Variants in FAM240B observed in about 807,000 individuals in gnomAD.
FAM240B encodes family with sequence similarity 240 member B, also known as protein FAM240B.
rs983359982 is a variant in FAM240B, at chr9:38,713,631, A to T, written c.-4+6391T>A. Among the ~76,000 whole-genome samples the T allele has an allele frequency of 3.3e-5, 5 of 152,176 alleles. No individual in the cohort carries two copies. The East Asian group carries it at 7.7e-4, about 23-fold the overall frequency. ...TGCATCAGTGTTATGGAGTTCCCAAAGTTGATGAGTGTGCTGTAATTATGT... is the reference window on the plus strand; with the variant it reads ...TGCATCAGTGTTATGGAGTTCCCAATGTTGATGAGTGTGCTGTAATTATGT... On this transcript the variant is annotated intron_variant, in intron 1 of 2. Coordinates refer to ENST00000637493, the MANE Select transcript of FAM240B (RefSeq NM_001394922.1).
At chr9:38,703,258 C>A (rs908638953) in intron 2 of FAM240B, among the ~76,000 whole-genome samples, 9 of 152,180 alleles carry the variant, frequency 5.9e-5, no homozygotes, top group Non-Finnish European at 1.0e-4. Flanking sequence ...GGAGAGACTG[C>A]CCCTGCTAGG....
rs564491315 is a variant in FAM240B at position 38,695,168 on chromosome 9, G to A, written c.144-299C>T. 3.9e-5 allele frequency among the ~76,000 whole-genome samples: 6 copies of A among 152,296 alleles called. No homozygotes were observed. The East Asian group carries it at 1.2e-3, about 29-fold the overall frequency. The stretch of plus-strand genomic sequence containing the variant: ...GGTGCAGCAAACCACCATGACACAT[G>A]TATTCCTATACATTCTGCACATGTA... On this transcript the variant is annotated intron_variant, in intron 2 of 2. Coordinates refer to ENST00000637493, the MANE Select transcript of FAM240B (RefSeq NM_001394922.1).
At chr9:38,717,156 C>T (rs1403387177) in intron 1 of FAM240B, among the ~76,000 whole-genome samples, 3 of 152,178 alleles carry the variant, frequency 2.0e-5, no homozygotes, top group African/African-American at 4.8e-5. Context: ...GCTTCGGCTT[C>T]CCTCTCTTAG....
rs577264087 is a variant in FAM240B at position 38,694,767 on chromosome 9, A to G, written c.*9T>C. 2.5e-6 allele frequency: 1 copy of G among 398,610 alleles called. No individual in the cohort carries two copies. The highest frequency in any genetic ancestry group is 4.4e-6 in the Non-Finnish European group (1 of 226,072). 24.7% of individuals were successfully genotyped at this position (398,610 alleles called of 1,614,324 possible). ...TTGCTATCTTTGAAGTCGGTGAGGC[A>G]GGCAGAGCTCAGTCCGCGGTGTGTG... On this transcript the variant is annotated 3_prime_UTR_variant, in exon 3 of 3. Coordinates refer to ENST00000637493, the MANE Select transcript of FAM240B (RefSeq NM_001394922.1).
intron 1 of FAM240B, among the ~76,000 whole-genome samples, chr9:38,713,387 A>C (rs1455873535): frequency 6.8e-6 from 1 of 148,122 alleles, no homozygotes; most frequent in Non-Finnish European, 1.5e-5. Context: ...CTGAGGCAGG[A>C]GAATGGCGTG....
chr9:38,696,728 C>A, intron 2 of FAM240B, among the ~76,000 whole-genome samples: 1 of 152,182 alleles, frequency 6.6e-6, no homozygotes, highest in South Asian at 2.1e-4. Flanking sequence ...GCAGGAGAAT[C>A]GCTTGAACTT....
At chr9:38,711,770 C>A (rs943610567) in intron 1 of FAM240B, among the ~76,000 whole-genome samples, 2 of 151,836 alleles carry the variant, frequency 1.3e-5, no homozygotes, top group Non-Finnish European at 2.9e-5. Context: ...AATTCTCCTG[C>A]CTCAGCCTCC....
chr9:38,717,631 C>T (rs1418296901), intron 1 of FAM240B, among the ~76,000 whole-genome samples: 1 of 152,008 alleles, frequency 6.6e-6, no homozygotes, highest in East Asian at 1.9e-4. Flanking sequence ...CAGGCGCCCG[C>T]CGCCACACCC....
chr9:38,707,875 A>T (rs1821209167), intron 1 of FAM240B, among the ~76,000 whole-genome samples: 1 of 151,912 alleles, frequency 6.6e-6, no homozygotes, highest in East Asian at 1.9e-4. Flanking sequence ...TCTGCTTCTC[A>T]TTCCTTTTTG....
intron 1 of FAM240B, among the ~76,000 whole-genome samples, chr9:38,711,600 T>C (rs76218382): frequency 0.014 from 2,160 of 152,042 alleles, 44 homozygotes; most frequent in African/African-American, 0.05. Context: ...CAGAAAACAT[T>C]TTCTTTTTCT....
At chr9:38,699,659 G>A (rs145579462) in intron 2 of FAM240B, among the ~76,000 whole-genome samples, 71 of 152,308 alleles carry the variant, frequency 4.7e-4, no homozygotes, top group Non-Finnish European at 8.2e-4. Context: ...CCTGGGGGAA[G>A]TATGGCTTTG....
intron 1 of FAM240B, among the ~76,000 whole-genome samples, chr9:38,710,506 G>T (rs1417112421): frequency 6.6e-6 from 1 of 152,094 alleles, no homozygotes; most frequent in Non-Finnish European, 1.5e-5. Flanking sequence ...TAAAAATCAG[G>T]TTTACTGCAT....
intron 1 of FAM240B, among the ~76,000 whole-genome samples, chr9:38,708,071 A>G (rs2119008028): frequency 6.6e-6 from 1 of 152,206 alleles, no homozygotes; most frequent in South Asian, 2.1e-4. Flanking sequence ...CTGCTTCAAG[A>G]CATGCATTCC....
At chr9:38,715,260 A>C (rs9407077) in intron 1 of FAM240B, among the ~76,000 whole-genome samples, 22,982 of 151,864 alleles carry the variant, frequency 0.15, 1,866 homozygotes, top group East Asian at 0.24. Context: ...ACCCCCCCAC[A>C]CTCTTTACAG....
chr9:38,694,414 T>C lies in FAM240B; in HGVS notation c.*362A>G, dbSNP rs1821042316. Reference sequence around the variant, plus strand: ...ATCAAGGTCATTGCCCTCGGTAAGCTTAGAGAAAACACTTCAAATGTCTCA... The same window carrying C: ...ATCAAGGTCATTGCCCTCGGTAAGCCTAGAGAAAACACTTCAAATGTCTCA... On this transcript the variant is annotated 3_prime_UTR_variant, in exon 3 of 3. Coordinates refer to ENST00000637493, the MANE Select transcript of FAM240B (RefSeq NM_001394922.1). 1 of 173,672 alleles carries C rather than the reference T, an allele frequency of 5.8e-6. No individual in the cohort carries two copies. The highest frequency in any genetic ancestry group is 1.2e-5 in the Non-Finnish European group (1 of 82,638). 10.8% of individuals were successfully genotyped at this position (173,672 alleles called of 1,614,324 possible).
chr9:38,705,304 A>T (rs1001347462), intron 1 of FAM240B: 9 of 152,478 alleles, frequency 5.9e-5, no homozygotes, highest in African/African-American at 1.9e-4. Context: ...AGCTTCAGAG[A>T]AGAGGCTGGC....
At chr9:38,712,463 C>A (rs1330067373) in intron 1 of FAM240B, among the ~76,000 whole-genome samples, 1 of 152,238 alleles carries the variant, frequency 6.6e-6, no homozygotes, top group East Asian at 1.9e-4. Flanking sequence ...ACCTGCATTG[C>A]AGACAGTACC....
chr9:38,717,859 T>G (rs1242650954), intron 1 of FAM240B, among the ~76,000 whole-genome samples: 1 of 152,194 alleles, frequency 6.6e-6, no homozygotes, highest in African/African-American at 2.4e-5. Flanking sequence ...CGTCGTTTTG[T>G]GCACATGGTA....
At chr9:38,697,252 T>C (rs1301794894) in intron 2 of FAM240B, among the ~76,000 whole-genome samples, 2 of 152,216 alleles carry the variant, frequency 1.3e-5, no homozygotes, top group African/African-American at 4.8e-5. Flanking sequence ...TGTATTTGCC[T>C]CAGATCAATG....
Sources: gnomAD v4.1 joint callset for allele counts (sites outside exome capture counted in the v4.1 genomes callset) on GRCh38, gnomAD v4.1.1 for gene constraint, MANE v1.5 for transcripts, NCBI Gene and HGNC (gene_info 2026-07-23, HGNC 2026-07-21) for gene names.